DLC1: variants seen among roughly 807,000 people sequenced by gnomAD.
The protein encoded by DLC1 is rho GTPase-activating protein 7.
A neutral mutation model predicts 140.3 loss-of-function variants in DLC1; 54 were observed. That is an observed-to-expected ratio of 0.38 (90% confidence interval 0.31 to 0.48). The LOEUF is 0.48. Among genes scored for constraint, DLC1 ranks in the 20% least tolerant of loss-of-function variants. The pLI is 0.96. For missense variants in DLC1, 2,536 were observed against 1,907.0 expected (o/e 1.33, Z -6.14); for synonymous variants, 986 against 728.1 (o/e 1.35, Z -5.70).
chr8:13,508,946 A>G (rs1359833397), intron 1 of DLC1, among the ~76,000 whole-genome samples: 1 of 152,120 alleles, frequency 6.6e-6, no homozygotes, highest in Non-Finnish European at 1.5e-5. Context: ...AAAGAGAAGT[A>G]TTGCCTTTCC....
chr8:13,484,695 C>A (rs1009293207), intron 2 of DLC1, among the ~76,000 whole-genome samples: 1 of 151,870 alleles, frequency 6.6e-6, no homozygotes, highest in Non-Finnish European at 1.5e-5. Flanking sequence ...ATCAGAGTGG[C>A]AATGAAATTC....
chr8:13,182,395 C>CT (rs759513557), intron 5 of DLC1, among the ~76,000 whole-genome samples: 3 of 151,964 alleles, frequency 2.0e-5, no homozygotes, highest in Non-Finnish European at 4.4e-5. Context: ...AATCCTTGCC[C>CT]GTGCCTATGT....
At chr8:13,208,005 C>T (rs150987150) in intron 5 of DLC1, among the ~76,000 whole-genome samples, 7 of 152,100 alleles carry the variant, frequency 4.6e-5, no homozygotes, top group Non-Finnish European at 8.8e-5. Context: ...GTTCAAAGTG[C>T]AAAATGTCTA....
chr8:13,567,049 G>C (rs577627190), intron 1 of DLC1: 1 of 1,551,718 alleles, frequency 6.4e-7, no homozygotes, highest in South Asian at 1.2e-5. Context: ...AAACCTTTCT[G>C]ATGAGACTGA....
intron 1 of DLC1, chr8:13,567,242 G>C: frequency 5.8e-6 from 9 of 1,551,564 alleles, no homozygotes; most frequent in Non-Finnish European, 7.8e-6. Context: ...AAGAAGTTGA[G>C]TAAAAAATGG....
chr8:13,527,593 A>T (rs1357901438), intron 1 of DLC1, among the ~76,000 whole-genome samples: 1 of 152,096 alleles, frequency 6.6e-6, no homozygotes, highest in Non-Finnish European at 1.5e-5. Flanking sequence ...TGGTTGGAGA[A>T]CCTACTATGG....
At chr8:13,506,780 G>A (rs940375124) in intron 1 of DLC1, among the ~76,000 whole-genome samples, 4 of 151,804 alleles carry the variant, frequency 2.6e-5, no homozygotes, top group Non-Finnish European at 5.9e-5. Flanking sequence ...TTAATTAAAC[G>A]CAACTTAACA....
chr8:13,271,898 G>T (rs1292465971), intron 5 of DLC1, among the ~76,000 whole-genome samples: 1 of 152,146 alleles, frequency 6.6e-6, no homozygotes. Flanking sequence ...GCTGGTCTTG[G>T]GTTCCAGGCC....
In DLC1 at chr8:13,122,133, T is replaced by A. The variant is rs1403955367; in HGVS notation, c.1349-6476A>T. ...TTCAAGGATCCCCGAGCCACTGGGC[T>A]GGTTTTATGAAACACATATTTCATT... On this transcript the variant is annotated intron_variant, in intron 5 of 17. Transcript: ENST00000276297. 2.6e-5 allele frequency among the ~76,000 whole-genome samples: 4 copies of A among 152,336 alleles called. No individual in the cohort carries two copies. The East Asian group carries it at 7.7e-4, about 29-fold the overall frequency.
intron 2 of DLC1, among the ~76,000 whole-genome samples, chr8:13,429,888 T>C (rs1275830051): frequency 2.0e-5 from 3 of 152,224 alleles, no homozygotes; most frequent in Non-Finnish European, 4.4e-5. Context: ...ATTCAAAGGT[T>C]AAATCCACAT....
intron 2 of DLC1, among the ~76,000 whole-genome samples, chr8:13,402,276 G>A (rs1837332880): frequency 6.6e-6 from 1 of 152,260 alleles, no homozygotes; most frequent in East Asian, 1.9e-4. Context: ...CTGTACTACA[G>A]ACATATGTTG....
chr8:13,297,282 T>TA lies in DLC1; in HGVS notation c.1348+7986dup, dbSNP rs60048506. On this transcript the variant is annotated intron_variant, in intron 5 of 17. Transcript: ENST00000276297. Reference sequence around the variant, plus strand: ...CAGGCAAGCAGAGGCCTTCATACATTAAAAAAAAAAAAAACTGAAGCAAGT... The same window carrying TA: ...CAGGCAAGCAGAGGCCTTCATACATTAAAAAAAAAAAAAAACTGAAGCAAGT... Among the ~76,000 whole-genome samples, 9 of 9,636 alleles carry TA rather than the reference T, an allele frequency of 9.3e-4. 2 individuals carry two copies. Among genetic ancestry groups the TA allele is most frequent in the African/African-American group, 2.2e-3 (6 of 2,790 alleles). 6.3% of individuals were successfully genotyped at this position (9,636 alleles called of 152,430 possible).
intron 16 of DLC1, among the ~76,000 whole-genome samples, chr8:13,086,931 G>A (rs1277333558): frequency 1.3e-5 from 2 of 152,078 alleles, no homozygotes; most frequent in Admixed American, 6.5e-5. Context: ...GGGCTGAGAT[G>A]GTAGGATTGC....
Position 13,084,181 on chromosome 8 carries a change from G to T in DLC1, c.*1630C>A, listed in dbSNP as rs1047238395. On this transcript the variant is annotated 3_prime_UTR_variant, in exon 18 of 18. Coordinates refer to ENST00000276297, the MANE Select transcript of DLC1 (RefSeq NM_182643.3). ...AGCACAGTGGACATGTTTCTTAATA[G>T]AATGGTATATACAACATACAATCTT... 6.6e-6 allele frequency: 1 copy of T among 152,476 alleles called. No individual in the cohort carries two copies. The highest frequency in any genetic ancestry group is 1.5e-5 in the Non-Finnish European group (1 of 68,010). The allele number at this position is 152,476 out of a possible 1,614,324, so 9.4% of individuals were successfully genotyped here.
chr8:13,508,715 G>C (rs1231892526), intron 1 of DLC1, among the ~76,000 whole-genome samples: 4 of 152,122 alleles, frequency 2.6e-5, no homozygotes, highest in African/African-American at 7.2e-5. Context: ...ACCACGCCCG[G>C]CCAGATGTAG....
At chr8:13,592,032 G>C (rs112945207) in intron 1 of DLC1, among the ~76,000 whole-genome samples, 2 of 152,094 alleles carry the variant, frequency 1.3e-5, no homozygotes, top group Admixed American at 1.3e-4. Flanking sequence ...ATGATTAAAG[G>C]CTTGGAACTG....
At chr8:13,510,299 G>T (rs1802302433) in intron 1 of DLC1, among the ~76,000 whole-genome samples, 1 of 151,418 alleles carries the variant, frequency 6.6e-6, no homozygotes. Context: ...TCAGCCTCCT[G>T]AGCAGCTGGG....
At chr8:13,123,811 C>G (rs1821326261) in intron 5 of DLC1, among the ~76,000 whole-genome samples, 2 of 152,150 alleles carry the variant, frequency 1.3e-5, no homozygotes, top group African/African-American at 4.8e-5. Context: ...AGTAGTTGCT[C>G]AATAAATATT....
intron 5 of DLC1, among the ~76,000 whole-genome samples, chr8:13,131,252 A>C (rs1463861892): frequency 6.6e-6 from 1 of 152,008 alleles, no homozygotes; most frequent in African/African-American, 2.4e-5. Flanking sequence ...GAATTAGTCA[A>C]CCTCTTGGAG....
Sources: allele counts gnomAD v4.1 joint callset (sites outside exome capture counted in the v4.1 genomes callset), GRCh38; gene constraint gnomAD v4.1.1; transcripts MANE v1.5; gene names NCBI Gene and HGNC (gene_info 2026-07-23, HGNC 2026-07-21).